Variants in CHST6 observed in about 807,000 individuals in gnomAD.
The protein encoded by CHST6 is N-acetylglucosamine 6-O-sulfotransferase 5.
For missense variants in CHST6, 698 were observed against 586.2 expected (o/e 1.19, Z -1.97); for synonymous variants, 309 against 276.4 (o/e 1.12, Z -1.17).
intron 1 of CHST6, among the ~76,000 whole-genome samples, chr16:75,484,402 G>A (rs781378222): frequency 1.3e-5 from 2 of 152,154 alleles, no homozygotes; most frequent in Non-Finnish European, 2.9e-5. Flanking sequence ...GACTCTCACT[G>A]CAGGGCTCTG....
chr16:75,484,706 T>G (rs1446350329), intron 1 of CHST6, among the ~76,000 whole-genome samples: 1 of 151,938 alleles, frequency 6.6e-6, no homozygotes, highest in Non-Finnish European at 1.5e-5. Context: ...TAGCCGGGTG[T>G]GGTGGTGAGT....
chr16:75,493,875 C>A (rs1317786408), intron 1 of CHST6, among the ~76,000 whole-genome samples: 1 of 152,162 alleles, frequency 6.6e-6, no homozygotes, highest in African/African-American at 2.4e-5. Flanking sequence ...GAGATGGAGT[C>A]TCGCTGTTGT....
At chr16:75,494,848 A>C (rs1309176579) in intron 1 of CHST6, 92 bp downstream of exon 1, 3 of 152,314 alleles carry the variant, frequency 2.0e-5, no homozygotes, top group African/African-American at 7.2e-5. Context: ...CCGGTGCAGG[A>C]CAGAGGAGCG....
At chr16:75,486,163 C>T (rs933251539) in intron 1 of CHST6, among the ~76,000 whole-genome samples, 10 of 152,266 alleles carry the variant, frequency 6.6e-5, no homozygotes, top group African/African-American at 2.4e-4. Context: ...TCGCCTGCAG[C>T]CACCTCCTCT....
chr16:75,484,677 C>G (rs545411862), intron 1 of CHST6, among the ~76,000 whole-genome samples: 2 of 152,148 alleles, frequency 1.3e-5, no homozygotes, highest in South Asian at 4.1e-4. Context: ...TGACAAAACC[C>G]TACTAAAAAT....
rs1176093845 is a variant in CHST6, at chr16:75,474,603, A to AT, written c.*4037dup. On this transcript the variant is annotated 3_prime_UTR_variant, in exon 3 of 3. Coordinates refer to ENST00000332272, the MANE Select transcript of CHST6 (RefSeq NM_021615.5). ...GGTCATATATAATAAATAGAAGTGT[A>AT]TTGGCTTACAGTTCTGGAGGCTGGG... is the stretch of plus-strand genomic sequence containing the variant. 2.5e-6 allele frequency: 1 copy of AT among 398,734 alleles called. No individual in the cohort carries two copies. Among genetic ancestry groups the AT allele is most frequent in the African/African-American group, 2.1e-5 (1 of 48,626 alleles). 24.7% of individuals were successfully genotyped at this position (398,734 alleles called of 1,614,324 possible).
intron 1 of CHST6, among the ~76,000 whole-genome samples, chr16:75,488,610 C>T (rs570934775): frequency 1.3e-5 from 2 of 152,016 alleles, no homozygotes; most frequent in Admixed American, 6.6e-5. Flanking sequence ...AGGGGGAAGG[C>T]TAACAAGGAG....
rs1304922188 is a variant in CHST6, at chr16:75,476,527, C to G, written c.*2114G>C. 1 of 129,962 alleles carries G rather than the reference C, an allele frequency of 7.7e-6. No homozygotes were observed. The highest frequency in any genetic ancestry group is 1.6e-5 in the Non-Finnish European group (1 of 63,094). 8.1% of individuals were successfully genotyped at this position (129,962 alleles called of 1,614,324 possible). ...AGTGAGCCGAGATTGTGCCACTGCA[C>G]TCCAGCCTGGGCGACAGAGCCAGAC... is the stretch of plus-strand genomic sequence containing the variant. On this transcript the variant is annotated 3_prime_UTR_variant, in exon 3 of 3. Transcript: ENST00000332272.
In CHST6 at chr16:75,473,599, A is replaced by G. The variant is rs1245422846; in HGVS notation, c.*5042T>C. 6.6e-6 allele frequency: 1 copy of G among 152,196 alleles called. No individual in the cohort carries two copies. The highest frequency in any genetic ancestry group is 2.4e-5 in the African/African-American group (1 of 41,462). 9.4% of individuals were successfully genotyped at this position (152,196 alleles called of 1,614,324 possible). A position where few individuals can be genotyped will look rare whatever the true frequency, so the allele number is the denominator to read the frequency against. ...CAGGTTTCCCTCCCCTTTTCTGCCT[A>G]AAGGCACGATATAAACTCTCCATCA... On this transcript the variant is annotated 3_prime_UTR_variant, in exon 3 of 3. Coordinates refer to ENST00000332272, the MANE Select transcript of CHST6 (RefSeq NM_021615.5).
intron 1 of CHST6, among the ~76,000 whole-genome samples, chr16:75,491,138 T>G (rs533015501): frequency 4.2e-5 from 5 of 118,690 alleles, no homozygotes; most frequent in Non-Finnish European, 8.1e-5. Context: ...GCACTCCAGC[T>G]TGGGTGACAA....
chr16:75,486,991 A>G (rs1420868359), intron 1 of CHST6, among the ~76,000 whole-genome samples: 1 of 152,246 alleles, frequency 6.6e-6, no homozygotes, highest in Non-Finnish European at 1.5e-5. Flanking sequence ...TTCAATAAAA[A>G]GTAAAGAATC....
At chr16:75,489,259 C>T (rs1301944564) in intron 1 of CHST6, among the ~76,000 whole-genome samples, 2 of 151,356 alleles carry the variant, frequency 1.3e-5, no homozygotes, top group Non-Finnish European at 2.9e-5. Flanking sequence ...ATTAGCTAGG[C>T]GTGGTGGTGC....
chr16:75,478,582 C>G lies in CHST6; in HGVS notation c.*59G>C, dbSNP rs1189415579. On this transcript the variant is annotated 3_prime_UTR_variant, in exon 3 of 3. Coordinates refer to ENST00000332272, the MANE Select transcript of CHST6 (RefSeq NM_021615.5). ...GACCTGCTTCTCCGTGCGCCCCAGC[C>G]CCCTCTGCACCATGCACTCTCCTCC... 12 of 1,564,028 alleles carry G rather than the reference C, an allele frequency of 7.7e-6. No homozygotes were observed. Among genetic ancestry groups the G allele is most frequent in the Non-Finnish European group, 1.1e-5 (12 of 1,135,496 alleles).
chr16:75,494,245 C>G (rs1359258927), intron 1 of CHST6, among the ~76,000 whole-genome samples: 2 of 152,164 alleles, frequency 1.3e-5, no homozygotes, highest in Admixed American at 6.6e-5. Flanking sequence ...TCTCTATACT[C>G]CAGTTGACTC....
At chr16:75,487,500 A>G (rs1725970235) in intron 1 of CHST6, among the ~76,000 whole-genome samples, 1 of 151,954 alleles carries the variant, frequency 6.6e-6, no homozygotes, top group African/African-American at 2.4e-5. Context: ...CCCCATCTCT[A>G]CTAAAAATAC....
Position 75,474,453 on chromosome 16 carries a change from C to G in CHST6, c.*4188G>C, listed in dbSNP as rs1297147269. The G allele has an allele frequency of 2.0e-5, 8 of 391,168 alleles. No homozygotes were observed. The highest frequency in any genetic ancestry group is 3.6e-5 in the Non-Finnish European group (8 of 221,880). 24.2% of individuals were successfully genotyped at this position (391,168 alleles called of 1,614,324 possible). On this transcript the variant is annotated 3_prime_UTR_variant, in exon 3 of 3. Transcript: ENST00000332272. ...CCATGCCCTGCTAATTTTTTTTTAA[C>G]TTTGTAGAGATGGGGTCTCACTATG...
At chr16:75,491,188 A>AAAAAAAAAT (rs2080251209) in intron 1 of CHST6, among the ~76,000 whole-genome samples, 2 of 63,320 alleles carry the variant, frequency 3.2e-5, no homozygotes, top group African/African-American at 7.3e-5. Context: ...AAAAAAAAAA[A>AAAAAAAAAT]AAATATATAT....
Position 75,488,822 on chromosome 16 carries a change from G to A in CHST6, c.-92+6118C>T, listed in dbSNP as rs150362586. Among the ~76,000 whole-genome samples the A allele has an allele frequency of 3.2e-3, 479 of 151,542 alleles. 10 individuals are homozygous for A. The highest frequency in any genetic ancestry group is 0.011 in the African/African-American group (460 of 41,054). On this transcript the variant is annotated intron_variant, in intron 1 of 2. Transcript: ENST00000332272. The stretch of plus-strand genomic sequence containing the variant: ...GAATCGCTTGAACCCGGGAGGTGGA[G>A]GTTGCAGTGAGCCTAGATCACGCCA...
At chr16:75,481,130 G>T (rs140754205) in intron 2 of CHST6, among the ~76,000 whole-genome samples, 128 of 151,528 alleles carry the variant, frequency 8.4e-4, no homozygotes, top group Admixed American at 1.3e-3. Context: ...AAAAAGGAAA[G>T]CCAGGTGTGG....
Sources: gnomAD v4.1 joint callset for allele counts (sites outside exome capture counted in the v4.1 genomes callset) on GRCh38, gnomAD v4.1.1 for gene constraint, MANE v1.5 for transcripts, NCBI Gene and HGNC (gene_info 2026-07-23, HGNC 2026-07-21) for gene names.